SRD5A2: variants seen among roughly 807,000 people sequenced by gnomAD.
SRD5A2 encodes the protein steroid 5 alpha-reductase 2.
Under a neutral mutation model 27.4 loss-of-function variants are expected in SRD5A2, and 30 were observed. The observed-to-expected ratio is 1.10, with a 90% CI of 0.82 to 1.49. The LOEUF is 1.49. SRD5A2 is among the 40% of genes most tolerant of loss of function. SRD5A2 has a pLI of 0.00. For missense variants in SRD5A2, 348 were observed against 323.4 expected (o/e 1.08, Z -0.58); for synonymous variants, 141 against 133.6 (o/e 1.06, Z -0.38).
chr2:31,589,545 C>A, the SRD5A2 span, among the ~76,000 whole-genome samples: 1 of 152,206 alleles, frequency 6.6e-6, no homozygotes, highest in Non-Finnish European at 1.5e-5. Context: ...AGACTCTCAT[C>A]TGCCTCTCTA....
intron 1 of SRD5A2, among the ~76,000 whole-genome samples, chr2:31,569,677 CAA>C (rs11421066): frequency 8.6e-4 from 119 of 138,570 alleles, no homozygotes; most frequent in African/African-American, 2.1e-3. Flanking sequence ...AAACAAAAAA[CAA>C]AAAAAAAAAA....
chr2:31,660,979 G>C, the SRD5A2 span, among the ~76,000 whole-genome samples: 1 of 152,020 alleles, frequency 6.6e-6, no homozygotes. Context: ...TGTTGCTTCT[G>C]TGTGGCATAC....
chr2:31,657,688 A>C, the SRD5A2 span, among the ~76,000 whole-genome samples: 6 of 152,222 alleles, frequency 3.9e-5, no homozygotes, highest in East Asian at 1.2e-3. Flanking sequence ...TTAGTGATAA[A>C]TTCTTACTTT....
At chr2:31,655,161 G>A in the SRD5A2 span, among the ~76,000 whole-genome samples, 777 of 152,048 alleles carry the variant, frequency 5.1e-3, 5 homozygotes, top group African/African-American at 0.017. Context: ...GAGTACAGTG[G>A]CATGATCTCG....
chr2:31,583,614 G>GA (rs1215302510), upstream of SRD5A2, among the ~76,000 whole-genome samples: 247 of 18,994 alleles, frequency 0.013, 3 homozygotes, highest in Middle Eastern at 0.1. Flanking sequence ...CTCCTTCCAG[G>GA]AAAAAAAAAA....
chr2:31,613,347 A>G, the SRD5A2 span, among the ~76,000 whole-genome samples: 1 of 152,108 alleles, frequency 6.6e-6, no homozygotes, highest in African/African-American at 2.4e-5. Context: ...CTAAAAAATG[A>G]GCAAAGAGTC....
chr2:31,643,082 T>C, the SRD5A2 span, among the ~76,000 whole-genome samples: 2 of 152,240 alleles, frequency 1.3e-5, no homozygotes, highest in Non-Finnish European at 2.9e-5. Flanking sequence ...ACATTCTGTA[T>C]CTTGATACAG....
the SRD5A2 span, among the ~76,000 whole-genome samples, chr2:31,639,216 G>A: frequency 1.5e-4 from 23 of 152,010 alleles, no homozygotes; most frequent in Admixed American, 5.3e-4. Flanking sequence ...AAAATTCTAC[G>A]CTTTAACTCC....
chr2:31,562,423 A>G (rs1359055496), intron 1 of SRD5A2, among the ~76,000 whole-genome samples: 1 of 152,168 alleles, frequency 6.6e-6, no homozygotes, highest in Non-Finnish European at 1.5e-5. Flanking sequence ...TTAAATGAGT[A>G]ATAAATTATT....
chr2:31,565,979 G>A (rs1393393066), intron 1 of SRD5A2, among the ~76,000 whole-genome samples: 1 of 151,980 alleles, frequency 6.6e-6, no homozygotes, highest in Non-Finnish European at 1.5e-5. Flanking sequence ...TTTAAATTCA[G>A]TAAGTTTAAA....
At chr2:31,651,493 T>C in the SRD5A2 span, 1 of 224,278 alleles carries the variant, frequency 4.5e-6, no homozygotes, top group Non-Finnish European at 1.0e-5. Context: ...ATGATAGAGA[T>C]GACTGACTTT....
upstream of SRD5A2, among the ~76,000 whole-genome samples, chr2:31,582,302 C>T (rs1316757008): frequency 6.6e-6 from 1 of 152,116 alleles, no homozygotes; most frequent in Non-Finnish European, 1.5e-5. Context: ...ACAGACACAA[C>T]CCCTCATCTG....
chr2:31,656,129 G>A, the SRD5A2 span, among the ~76,000 whole-genome samples: 1 of 152,176 alleles, frequency 6.6e-6, no homozygotes, highest in African/African-American at 2.4e-5. Flanking sequence ...AGGTTTAGAA[G>A]AGCCACAACA....
At chr2:31,611,388 C>T in the SRD5A2 span, among the ~76,000 whole-genome samples, 1 of 152,094 alleles carries the variant, frequency 6.6e-6, no homozygotes. Context: ...CTCAAGACAC[C>T]ATTAAGAAAC....
rs756405261 is a variant in SRD5A2 at position 31,531,405 on chromosome 2, C to A, written c.513G>T (p.Arg171Ser). The part of the protein sequence containing the change: ...IHSDYILRQL[R>S]KPGEISYRIP... Reference sequence around the variant, plus strand: ...TCCTGTAGCTGATTTCTCCAGGCTTCCTGAGCTGGCGCAATATATAGTCAC... The same window carrying A: ...TCCTGTAGCTGATTTCTCCAGGCTTACTGAGCTGGCGCAATATATAGTCAC... The change falls in exon 3 of 5, where the codon AGG becomes AGT. Residue 171 changes from arginine to serine, a missense_variant. Coordinates refer to ENST00000622030, the MANE Select transcript of SRD5A2 (RefSeq NM_000348.4). 2.5e-6 allele frequency: 4 copies of A among 1,595,594 alleles called. No individual in the cohort carries two copies. Among genetic ancestry groups the A allele is most frequent in the Non-Finnish European group, 3.4e-6 (4 of 1,170,624 alleles).
At chr2:31,627,620 C>T in the SRD5A2 span, among the ~76,000 whole-genome samples, 1 of 152,036 alleles carries the variant, frequency 6.6e-6, no homozygotes, top group South Asian at 2.1e-4. Context: ...TGTAAACTTC[C>T]CTCTTAACAT....
the SRD5A2 span, among the ~76,000 whole-genome samples, chr2:31,647,174 G>A: frequency 6.6e-6 from 1 of 151,956 alleles, no homozygotes; most frequent in Non-Finnish European, 1.5e-5. Flanking sequence ...AACAAAAACA[G>A]CTGTACCATA....
rs765426248 is a variant in SRD5A2, at chr2:31,523,231, C to A, written c.*2965G>T. 3.7e-5 allele frequency: 8 copies of A among 215,898 alleles called. No homozygotes were observed. The highest frequency in any genetic ancestry group is 6.5e-5 in the Non-Finnish European group (7 of 107,220). The allele number at this position is 215,898 out of a possible 1,614,324, so 13.4% of individuals were successfully genotyped here. ...TCTGTCAAATAGGTTTATGAAAGGG[C>A]ATGAGCCTGGTGCTCCCACGGAGCG... is the stretch of plus-strand genomic sequence containing the variant. On this transcript the variant is annotated 3_prime_UTR_variant, in exon 5 of 5. Coordinates refer to ENST00000622030, the MANE Select transcript of SRD5A2 (RefSeq NM_000348.4).
intron 1 of SRD5A2, among the ~76,000 whole-genome samples, chr2:31,561,840 CA>C (rs1028588743): frequency 6.6e-6 from 1 of 152,084 alleles, no homozygotes; most frequent in Non-Finnish European, 1.5e-5. Context: ...CAAAGAGAAT[CA>C]GATCAACTTC....
Sources: allele counts gnomAD v4.1 joint callset (sites outside exome capture counted in the v4.1 genomes callset), GRCh38; gene constraint gnomAD v4.1.1; transcripts MANE v1.5; gene names NCBI Gene and HGNC (gene_info 2026-07-23, HGNC 2026-07-21).